Variants in ASTN1 observed in about 807,000 individuals in gnomAD.
ASTN1 encodes the protein astrotactin-1.
A neutral mutation model predicts 140.7 loss-of-function variants in ASTN1; 41 were observed. That is an observed-to-expected ratio of 0.29 (90% CI 0.23 to 0.38). The LOEUF is 0.38. ASTN1 is among the 10% of genes least tolerant of loss of function. ASTN1 has a pLI of 1.00. For missense variants in ASTN1, 1,479 were observed against 1,678.8 expected (o/e 0.88, Z 2.08); for synonymous variants, 640 against 652.2 (o/e 0.98, Z 0.29).
At chr1:177,070,374 C>T (rs1161401793) in intron 1 of ASTN1, among the ~76,000 whole-genome samples, 2 of 152,160 alleles carry the variant, frequency 1.3e-5, no homozygotes, top group African/African-American at 4.8e-5. Flanking sequence ...TGATCCTAAA[C>T]GATTTCAGTA....
chr1:176,926,612 T>TTGAA (rs1358916581), intron 16 of ASTN1, among the ~76,000 whole-genome samples: 1 of 152,212 alleles, frequency 6.6e-6, no homozygotes, highest in African/African-American at 2.4e-5. Flanking sequence ...CGAACATTTG[T>TTGAA]TGAATGAATG....
intron 16 of ASTN1, among the ~76,000 whole-genome samples, chr1:176,931,934 T>C (rs1381498259): frequency 6.6e-6 from 1 of 152,200 alleles, no homozygotes; most frequent in Admixed American, 6.5e-5. Context: ...ATACATCCTA[T>C]GTAAAGGAAG....
chr1:176,898,282 A>G (rs1669613631), intron 16 of ASTN1, among the ~76,000 whole-genome samples: 1 of 152,166 alleles, frequency 6.6e-6, no homozygotes. Flanking sequence ...TCAGGTCCAC[A>G]TAAAAAGAGC....
At chr1:177,130,487 T>C (rs1173297878) in intron 1 of ASTN1, among the ~76,000 whole-genome samples, 4 of 152,160 alleles carry the variant, frequency 2.6e-5, no homozygotes, top group Non-Finnish European at 4.4e-5. Context: ...CTGGAGTGCT[T>C]CTTTTCTAAT....
intron 1 of ASTN1, among the ~76,000 whole-genome samples, chr1:177,104,032 A>G (rs1680425819): frequency 6.6e-6 from 1 of 152,136 alleles, no homozygotes; most frequent in Non-Finnish European, 1.5e-5. Flanking sequence ...TCCAACAAGC[A>G]CTTGTGGGGC....
chr1:176,884,572 G>A (rs1668952094), intron 18 of ASTN1, 82 bp from the exon 19 acceptor site: 16 of 1,446,378 alleles, frequency 1.1e-5, no homozygotes, highest in Non-Finnish European at 1.4e-5. Flanking sequence ...TTGTGATACT[G>A]TAAGCTTTTC....
chr1:176,882,138 G>A (rs753271321), intron 20 of ASTN1, among the ~76,000 whole-genome samples: 1 of 152,164 alleles, frequency 6.6e-6, no homozygotes, highest in African/African-American at 2.4e-5. Context: ...GGAAGAGTTC[G>A]CAGAAAGAAT....
At chr1:176,858,080 G>A (rs933311692), downstream of ASTN1, among the ~76,000 whole-genome samples, 3 of 152,078 alleles carry the variant, frequency 2.0e-5, no homozygotes, top group Admixed American at 6.5e-5. Context: ...ACACTAATTT[G>A]TACTCCCATG....
chr1:177,142,018 G>A (rs1325757171), intron 1 of ASTN1, among the ~76,000 whole-genome samples: 1 of 152,116 alleles, frequency 6.6e-6, no homozygotes, highest in African/African-American at 2.4e-5. Context: ...TTTACTGGAT[G>A]CCCTTCATGC....
chr1:177,012,827 C>T (rs1675357711), intron 8 of ASTN1, among the ~76,000 whole-genome samples: 3 of 152,228 alleles, frequency 2.0e-5, no homozygotes, highest in Non-Finnish European at 4.4e-5. Flanking sequence ...CTGGATCACT[C>T]AGGGCAGAAG....
intron 1 of ASTN1, among the ~76,000 whole-genome samples, chr1:177,090,408 T>C (rs548283972): frequency 6.6e-6 from 1 of 152,238 alleles, no homozygotes; most frequent in East Asian, 1.9e-4. Flanking sequence ...ATTCTTATTA[T>C]CCCTTTTATA....
intron 13 of ASTN1, 92 bp downstream of exon 13, chr1:176,945,834 C>A: frequency 6.9e-6 from 9 of 1,307,564 alleles, no homozygotes; most frequent in Non-Finnish European, 9.4e-6. Context: ...ATTTACCCTG[C>A]TCCAACATAT....
chr1:176,906,397 A>G (rs1011554148), intron 16 of ASTN1, among the ~76,000 whole-genome samples: 2 of 152,260 alleles, frequency 1.3e-5, no homozygotes, highest in Non-Finnish European at 2.9e-5. Context: ...TGTCAGAAAC[A>G]GTGCTCAGTG....
intron 14 of ASTN1, among the ~76,000 whole-genome samples, chr1:176,942,818 G>GTATATATATATATATA (rs1478728177): frequency 1.3e-4 from 4 of 31,954 alleles, no homozygotes; most frequent in South Asian, 1.2e-3. Flanking sequence ...CTTTGTGTGT[G>GTATATATATATATATA]TGTATATATA....
At chr1:177,033,743 T>G (rs181897684) in intron 2 of ASTN1, among the ~76,000 whole-genome samples, 130 of 152,194 alleles carry the variant, frequency 8.5e-4, no homozygotes, top group African/African-American at 2.9e-3. Flanking sequence ...CTTCTGGTGC[T>G]CAAAGGCCAA....
chr1:176,897,323 C>G (rs961667270), intron 16 of ASTN1, among the ~76,000 whole-genome samples: 2 of 151,228 alleles, frequency 1.3e-5, no homozygotes, highest in African/African-American at 2.4e-5. Context: ...CCCGGCCCCC[C>G]CACCAAAAAA....
intron 8 of ASTN1, among the ~76,000 whole-genome samples, chr1:176,977,938 G>A (rs904874445): frequency 3.9e-5 from 6 of 152,208 alleles, no homozygotes; most frequent in African/African-American, 1.4e-4. Flanking sequence ...TCCAGGCAGG[G>A]TGGAAGAGAT....
chr1:176,998,092 C>T (rs1406587314), intron 8 of ASTN1, among the ~76,000 whole-genome samples: 1 of 152,100 alleles, frequency 6.6e-6, no homozygotes, highest in East Asian at 1.9e-4. Context: ...CCATACTTGT[C>T]TTCATACATC....
intron 8 of ASTN1, among the ~76,000 whole-genome samples, chr1:176,978,375 G>A (rs1673459375): frequency 6.6e-6 from 1 of 152,162 alleles, no homozygotes; most frequent in African/African-American, 2.4e-5. Flanking sequence ...AAACCCAGAG[G>A]GAGAGGAACC....
Sources: gnomAD v4.1 joint callset for allele counts (sites outside exome capture counted in the v4.1 genomes callset) on GRCh38, gnomAD v4.1.1 for gene constraint, MANE v1.5 for transcripts, NCBI Gene and HGNC (gene_info 2026-07-23, HGNC 2026-07-21) for gene names.